PARD3B: variants seen among roughly 807,000 people sequenced by gnomAD.
PARD3B encodes partitioning defective 3 homolog B.
In PARD3B, 103 loss-of-function variants were observed where a neutral mutation model predicts 130.2. That is an observed-to-expected ratio of 0.79 (90% CI 0.67 to 0.93). The LOEUF (loss-of-function observed/expected upper bound fraction) is 0.93, where lower values mean the gene tolerates loss of function less well. Ranked by LOEUF, PARD3B falls within the 40% of genes least tolerant of loss-of-function variation. The pLI, the probability that PARD3B is intolerant of heterozygous loss-of-function variation, is 0.00. For synonymous variants in PARD3B, 583 were observed against 553.2 expected (o/e 1.05, Z -0.76); for missense variants, 1,609 against 1,499.2 (o/e 1.07, Z -1.21).
chr2:204,614,477 T>C (rs1467753866), intron 1 of PARD3B, among the ~76,000 whole-genome samples: 3 of 152,186 alleles, frequency 2.0e-5, no homozygotes, highest in Non-Finnish European at 4.4e-5. Flanking sequence ...TATCTACTAA[T>C]ATTTACTGTA....
intron 10 of PARD3B, among the ~76,000 whole-genome samples, chr2:205,139,566 A>G (rs2032774808): frequency 6.6e-6 from 1 of 152,196 alleles, no homozygotes; most frequent in South Asian, 2.1e-4. Flanking sequence ...TAACTTGATA[A>G]TTTTATGTAC....
chr2:205,197,721 A>C (rs1180908405), intron 15 of PARD3B, among the ~76,000 whole-genome samples: 1 of 149,792 alleles, frequency 6.7e-6, no homozygotes, highest in Non-Finnish European at 1.5e-5. Flanking sequence ...AAGAGACTGG[A>C]GAGTGGATAC....
chr2:205,370,235 G>A (rs1276580632), intron 18 of PARD3B, among the ~76,000 whole-genome samples: 3 of 152,168 alleles, frequency 2.0e-5, no homozygotes, highest in Admixed American at 2.0e-4. Context: ...TTTTTTAAGT[G>A]GAGGTCATGA....
intron 1 of PARD3B, among the ~76,000 whole-genome samples, chr2:204,629,711 A>G (rs2034614254): frequency 6.6e-6 from 1 of 152,172 alleles, no homozygotes; most frequent in South Asian, 2.1e-4. Flanking sequence ...AAATCTCACC[A>G]TATCTTTATA....
At chr2:204,596,087 AGAGAAT>A (rs1181483129) in intron 1 of PARD3B, among the ~76,000 whole-genome samples, 1 of 152,184 alleles carries the variant, frequency 6.6e-6, no homozygotes, top group African/African-American at 2.4e-5. Flanking sequence ...TTTTTTTGAT[AGAGAAT>A]AAGTTTCATA....
chr2:205,236,635 A>G (rs1307326530), intron 15 of PARD3B, among the ~76,000 whole-genome samples: 1 of 152,224 alleles, frequency 6.6e-6, no homozygotes, highest in African/African-American at 2.4e-5. Context: ...TGAACCCAAC[A>G]ATATATAAAA....
rs1161573043 is a variant in PARD3B at position 205,291,479 on chromosome 2, G to A, written c.2186-9051G>A. 6.6e-6 allele frequency among the ~76,000 whole-genome samples: 1 copy of A among 152,222 alleles called. No individual in the cohort carries two copies. Among genetic ancestry groups the A allele is most frequent in the Non-Finnish European group, 1.5e-5 (1 of 68,030 alleles). Reference sequence around the variant, plus strand: ...ACCATCCTCGATATAAAGTAGCAAAGAACTTTGCTGAAGTGTGTTGTTCTG... The same window carrying A: ...ACCATCCTCGATATAAAGTAGCAAAAAACTTTGCTGAAGTGTGTTGTTCTG... On this transcript the variant is annotated intron_variant, in intron 16 of 22. Transcript: ENST00000406610. The surrounding 1 kb of genome is among the most constrained non-coding windows in gnomAD (Gnocchi z 4.6).
chr2:205,380,935 AATAT>A (rs1171979246), intron 18 of PARD3B, among the ~76,000 whole-genome samples: 5 of 90,100 alleles, frequency 5.5e-5, no homozygotes, highest in Non-Finnish European at 9.3e-5. Flanking sequence ...ATATATAAAG[AATAT>A]ATATAATATA....
intron 1 of PARD3B, among the ~76,000 whole-genome samples, chr2:204,628,734 G>T (rs939658406): frequency 6.6e-6 from 1 of 152,152 alleles, no homozygotes; most frequent in African/African-American, 2.4e-5. Flanking sequence ...AGATCATTAT[G>T]TGGGAGATTG....
rs568928342 is a variant in PARD3B, at chr2:205,321,144, A to G, written c.2630+19443A>G. Among the ~76,000 whole-genome samples, 1 of 152,210 alleles carries G rather than the reference A, an allele frequency of 6.6e-6. No homozygotes were observed. Among genetic ancestry groups the G allele is most frequent in the African/African-American group, 2.4e-5 (1 of 41,454 alleles). ...AAAACATTAATATAGTTTAGAGATG[A>G]TAGTTTTTGTAATATATGTTGCCAA... is the stretch of plus-strand genomic sequence containing the variant. On this transcript the variant is annotated intron_variant, in intron 18 of 22. Transcript: ENST00000406610. The surrounding 1 kb of genome is among the most constrained non-coding windows in gnomAD (Gnocchi z 4.2).
Position 204,588,064 on chromosome 2 carries a change from T to C in PARD3B, c.120+41945T>C, listed in dbSNP as rs138495857. Among the ~76,000 whole-genome samples, 5 of 152,138 alleles carry C rather than the reference T, an allele frequency of 3.3e-5. No homozygotes were observed. In the East Asian group the frequency reaches 9.7e-4, roughly 29 times the overall value. On this transcript the variant is annotated intron_variant, in intron 1 of 22. Transcript: ENST00000406610. ...AATACATCCCCCTTTTGTAATACCG[T>C]GAGGGAGGGCGTGCATTAGAATTGT...
intron 2 of PARD3B, among the ~76,000 whole-genome samples, chr2:204,713,842 T>C (rs1350579382): frequency 4.1e-5 from 6 of 147,658 alleles, no homozygotes; most frequent in Non-Finnish European, 9.0e-5. Context: ...GTGTTTTTTT[T>C]CTGCCCAGCC....
At chr2:205,149,391 CTA>C (rs1196101833) in intron 10 of PARD3B, among the ~76,000 whole-genome samples, 1 of 152,076 alleles carries the variant, frequency 6.6e-6, no homozygotes, top group Non-Finnish European at 1.5e-5. Flanking sequence ...TCCTGGATTC[CTA>C]TATAAGTAAA....
intron 1 of PARD3B, among the ~76,000 whole-genome samples, chr2:204,682,824 G>A (rs1042557659): frequency 6.6e-6 from 1 of 152,088 alleles, no homozygotes; most frequent in African/African-American, 2.4e-5. Context: ...TAGTATGTGG[G>A]TTGCCAGTCT....
chr2:204,894,046 T>A (rs1452518589), intron 2 of PARD3B, among the ~76,000 whole-genome samples: 1 of 151,874 alleles, frequency 6.6e-6, no homozygotes, highest in Non-Finnish European at 1.5e-5. Context: ...TCTTAAACTC[T>A]ATTTTAGTTA....
At chr2:205,442,733 C>T (rs11896259) in intron 20 of PARD3B, among the ~76,000 whole-genome samples, 38,797 of 152,064 alleles carry the variant, frequency 0.26, 8,514 homozygotes, top group African/African-American at 0.6. Context: ...ATGTTTCCCC[C>T]AGATCTTTGG....
chr2:205,261,795 G>A (rs1157267194), intron 16 of PARD3B, among the ~76,000 whole-genome samples: 3 of 152,148 alleles, frequency 2.0e-5, no homozygotes, highest in Admixed American at 2.0e-4. Flanking sequence ...CTATCATAAA[G>A]TGGGGAAAAA....
At chr2:204,941,406 G>T (rs908443566) in intron 2 of PARD3B, among the ~76,000 whole-genome samples, 2 of 152,176 alleles carry the variant, frequency 1.3e-5, no homozygotes, top group Admixed American at 6.5e-5. Context: ...ACACCTTAAG[G>T]ATGGCAATTA....
At chr2:205,507,194 G>C (rs1181787625) in intron 21 of PARD3B, among the ~76,000 whole-genome samples, 1 of 25,334 alleles carries the variant, frequency 3.9e-5, no homozygotes, top group African/African-American at 9.2e-5. Flanking sequence ...GACAGGTGCA[G>C]TATTTTTTTT....
Sources: gnomAD v4.1 joint callset for allele counts (sites outside exome capture counted in the v4.1 genomes callset) on GRCh38, gnomAD v4.1.1 for gene constraint, Gnocchi (gnomAD v3.1) non-coding constraint, MANE v1.5 for transcripts, NCBI Gene and HGNC (gene_info 2026-07-23, HGNC 2026-07-21) for gene names.